ZNF431: variants seen among roughly 807,000 people sequenced by gnomAD.
ZNF431 encodes the protein zinc finger protein 431.
Under a neutral mutation model 57.0 loss-of-function variants are expected in ZNF431, and 34 were observed. That is an observed-to-expected ratio of 0.60 (90% CI 0.45 to 0.79). ZNF431 has a LOEUF of 0.79. Among genes scored for constraint, ZNF431 ranks in the 30% least tolerant of loss-of-function variants. ZNF431 has a pLI of 0.00. For missense variants in ZNF431, 607 were observed against 667.1 expected (o/e 0.91, Z 0.99); for synonymous variants, 207 against 220.3 (o/e 0.94, Z 0.54).
chr19:21,167,123 G>A (rs1970740825), intron 3 of ZNF431, among the ~76,000 whole-genome samples: 1 of 151,586 alleles, frequency 6.6e-6, no homozygotes. Flanking sequence ...CTTCCAAAGT[G>A]CTGGGATTAC....
At chr19:21,160,375 T>C (rs1970538708) in intron 2 of ZNF431, among the ~76,000 whole-genome samples, 1 of 152,028 alleles carries the variant, frequency 6.6e-6, no homozygotes, top group Admixed American at 6.6e-5. Flanking sequence ...ATCTTAAGAG[T>C]GAGAGATCAA....
At chr19:21,156,073 A>G (rs1970407569) in intron 2 of ZNF431, among the ~76,000 whole-genome samples, 2 of 152,172 alleles carry the variant, frequency 1.3e-5, no homozygotes, top group Admixed American at 6.5e-5. Context: ...CACCTCTCCC[A>G]GCACTAGGCA....
intron 2 of ZNF431, chr19:21,149,794 C>G: frequency 3.1e-6 from 2 of 640,674 alleles, no homozygotes; most frequent in Non-Finnish European, 5.8e-6. Flanking sequence ...CTTCCCCCAG[C>G]TTAGCCAAAG....
At chr19:21,180,345 T>C (rs1971174397) in intron 4 of ZNF431, among the ~76,000 whole-genome samples, 1 of 152,236 alleles carries the variant, frequency 6.6e-6, no homozygotes, top group South Asian at 2.1e-4. Flanking sequence ...TAGTGCTTCT[T>C]TCAGGAGCTC....
rs189765532 is a variant in ZNF431, at chr19:21,184,267, T to G, written c.*233T>G. 7 of 359,524 alleles carry G rather than the reference T, an allele frequency of 1.9e-5. No individual in the cohort carries two copies. The East Asian group carries it at 2.9e-4, about 15-fold the overall frequency. 22.3% of individuals were successfully genotyped at this position (359,524 alleles called of 1,614,324 possible). On this transcript the variant is annotated 3_prime_UTR_variant, in exon 5 of 5. Transcript: ENST00000311048. ...CGGGAGGCTTAGGCAGGATAATCACTTGAACCTGGGAGGTGGAAGTTGCAG... is the reference window on the plus strand; with the variant it reads ...CGGGAGGCTTAGGCAGGATAATCACGTGAACCTGGGAGGTGGAAGTTGCAG...
chr19:21,161,994 C>G (rs1970580555), intron 2 of ZNF431, among the ~76,000 whole-genome samples: 1 of 151,192 alleles, frequency 6.6e-6, no homozygotes. Context: ...TTGCTTTTTT[C>G]AGTTGGAGTC....
At chr19:21,150,300 G>A in intron 2 of ZNF431, 1 of 461,112 alleles carries the variant, frequency 2.2e-6, no homozygotes, top group African/African-American at 2.0e-5. Context: ...TCCCTTTTGG[G>A]CTGGATGTCC....
chr19:21,176,595 TTTGTAGACTCTG>T (rs1218386087), intron 4 of ZNF431, among the ~76,000 whole-genome samples: 1 of 152,170 alleles, frequency 6.6e-6, no homozygotes, highest in Non-Finnish European at 1.5e-5. Context: ...GTTTAAATTC[TTTGTAGACTCTG>T]GATATTAACC....
At chr19:21,160,620 C>T (rs1266266985) in intron 2 of ZNF431, among the ~76,000 whole-genome samples, 1 of 152,206 alleles carries the variant, frequency 6.6e-6, no homozygotes, top group Non-Finnish European at 1.5e-5. Context: ...AACCGTCTCA[C>T]AATCACCTAG....
chr19:21,152,766 C>G (rs1209320989), intron 2 of ZNF431, among the ~76,000 whole-genome samples: 2 of 152,130 alleles, frequency 1.3e-5, no homozygotes, highest in Non-Finnish European at 2.9e-5. Context: ...ACACCACTCA[C>G]CCAAAGTCAG....
In ZNF431 at chr19:21,190,412, T is replaced by G. The variant is rs763706761; in HGVS notation, c.*6378T>G. The G allele has an allele frequency of 1.3e-5, 2 of 152,222 alleles. No homozygotes were observed. The highest frequency in any genetic ancestry group is 2.4e-5 in the African/African-American group (1 of 41,458). The allele number at this position is 152,222 out of a possible 1,614,324, so 9.4% of individuals were successfully genotyped here. On this transcript the variant is annotated 3_prime_UTR_variant, in exon 5 of 5. Transcript: ENST00000311048. The stretch of plus-strand genomic sequence containing the variant: ...GTTTTTTTGATAAATCTGTATTTTG[T>G]TTTTCGTAATGGCTATCCTCATTTA...
In ZNF431 at chr19:21,154,285, T is replaced by A. The variant is rs1384986162; in HGVS notation, c.96+10642T>A. Among the ~76,000 whole-genome samples the A allele has an allele frequency of 2.0e-5, 3 of 152,270 alleles. No homozygotes were observed. The East Asian group carries it at 5.8e-4, about 30-fold the overall frequency. On this transcript the variant is annotated intron_variant, in intron 2 of 4. Coordinates refer to ENST00000311048, the MANE Select transcript of ZNF431 (RefSeq NM_133473.4). ...ACATGCGGTGTTTGGTTTTTTGTCC[T>A]TGCGATAGTTTGCTGAGAATGATGG... is the stretch of plus-strand genomic sequence containing the variant.
intron 2 of ZNF431, among the ~76,000 whole-genome samples, chr19:21,153,681 C>T (rs1970339499): frequency 6.6e-6 from 1 of 152,176 alleles, no homozygotes; most frequent in African/African-American, 2.4e-5. Flanking sequence ...GTAGCTTGAT[C>T]TAATTATTGA....
chr19:21,190,164 G>A lies in ZNF431; in HGVS notation c.*6130G>A. 2.9e-6 allele frequency: 1 copy of A among 341,468 alleles called. No homozygotes were observed. The highest frequency in any genetic ancestry group is 4.4e-5 in the East Asian group (1 of 22,566). 21.2% of individuals were successfully genotyped at this position (341,468 alleles called of 1,614,324 possible). A position where few individuals can be genotyped will look rare whatever the true frequency, so the allele number is the denominator to read the frequency against. ...ATCCTGGGCAACAGAGTGAGACTCGGTCTCAAGAGGGAAAATAAGGCATTT... is the reference window on the plus strand; with the variant it reads ...ATCCTGGGCAACAGAGTGAGACTCGATCTCAAGAGGGAAAATAAGGCATTT... On this transcript the variant is annotated 3_prime_UTR_variant, in exon 5 of 5. Coordinates refer to ENST00000311048, the MANE Select transcript of ZNF431 (RefSeq NM_133473.4).
At position 21,182,773 on chromosome 19, in the gene ZNF431, A is replaced by C; in HGVS notation, c.470A>C (p.His157Pro). Residue 157 changes from histidine to proline, a missense_variant, in exon 5 of 5, where the codon CAC becomes CCC. Physicochemically the swap from His to Pro is moderately conservative, Grantham distance 77 (BLOSUM62 -2). Transcript: ENST00000311048. Reference protein sequence around the residue: ...GSASVDEYKVHKEGYNELNQC... With the variant: ...GSASVDEYKVPKEGYNELNQC... ...GCAAGTGTAGATGAGTATAAGGTGC[A>C]CAAAGAAGGTTATAATGAGCTAAAC... is the stretch of plus-strand genomic sequence containing the variant. 2 of 1,613,950 alleles carry C rather than the reference A, an allele frequency of 1.2e-6. No homozygotes were observed. Among genetic ancestry groups the C allele is most frequent in the Non-Finnish European group, 1.7e-6 (2 of 1,179,888 alleles).
intron 4 of ZNF431, among the ~76,000 whole-genome samples, chr19:21,176,108 A>T (rs770783001): frequency 6.6e-6 from 1 of 152,164 alleles, no homozygotes; most frequent in Admixed American, 6.5e-5. Flanking sequence ...ATTTTTTAAT[A>T]ATCACCTTTC....
intron 4 of ZNF431, among the ~76,000 whole-genome samples, chr19:21,170,646 CTTTTCTTTTCTTTTTT>C (rs947613372): frequency 6.6e-5 from 10 of 150,912 alleles, no homozygotes; most frequent in African/African-American, 1.5e-4. Flanking sequence ...TCTTTCTTTT[CTTTTCTTTTCTTTTTT>C]TTTTCTTTTC....
chr19:21,189,472 C>T lies in ZNF431; in HGVS notation c.*5438C>T, dbSNP rs1396689073. On this transcript the variant is annotated 3_prime_UTR_variant, in exon 5 of 5. Coordinates refer to ENST00000311048, the MANE Select transcript of ZNF431 (RefSeq NM_133473.4). Reference sequence around the variant, plus strand: ...CACTCCAGACTGGGGGACAGAGTGACTATCAAAAAAAAAAAAAACTTTACC... The same window carrying T: ...CACTCCAGACTGGGGGACAGAGTGATTATCAAAAAAAAAAAAAACTTTACC... The T allele has an allele frequency of 6.7e-6, 1 of 148,884 alleles. No individual in the cohort carries two copies. The highest frequency in any genetic ancestry group is 1.5e-5 in the Non-Finnish European group (1 of 67,638). 9.2% of individuals were successfully genotyped at this position (148,884 alleles called of 1,614,324 possible). A position where few individuals can be genotyped will look rare whatever the true frequency, so the allele number is the denominator to read the frequency against.
At chr19:21,179,521 A>T (rs113515107) in intron 4 of ZNF431, among the ~76,000 whole-genome samples, 3 of 149,462 alleles carry the variant, frequency 2.0e-5, no homozygotes, top group African/African-American at 7.3e-5. Context: ...TTCCCTGTTA[A>T]CACTGCTTTA....
Sources: allele counts gnomAD v4.1 joint callset (sites outside exome capture counted in the v4.1 genomes callset), GRCh38; gene constraint gnomAD v4.1.1; transcripts MANE v1.5; gene names NCBI Gene and HGNC (gene_info 2026-07-23, HGNC 2026-07-21).